ZBTB46: variants seen among roughly 807,000 people sequenced by gnomAD.
The protein encoded by ZBTB46 is zinc finger and BTB domain containing 46.
In ZBTB46, 8 loss-of-function variants were observed where a neutral mutation model predicts 44.1. The ratio of observed to expected loss-of-function variants is 0.18; its 90% CI spans 0.11 to 0.33. ZBTB46 has a LOEUF of 0.33. Ranked by LOEUF, ZBTB46 falls within the 10% of genes least tolerant of loss-of-function variation. The pLI is 1.00. For missense variants in ZBTB46, 651 were observed against 847.7 expected (o/e 0.77, Z 2.88); for synonymous variants, 409 against 382.3 (o/e 1.07, Z -0.81).
chr20:63,758,342 C>T (rs1320974269), intron 3 of ZBTB46, among the ~76,000 whole-genome samples: 2 of 151,686 alleles, frequency 1.3e-5, no homozygotes, highest in African/African-American at 4.9e-5. Context: ...TCACACAATC[C>T]CAAACCAGCT....
intron 1 of ZBTB46, among the ~76,000 whole-genome samples, chr20:63,802,965 T>C (rs2092658793): frequency 6.6e-6 from 1 of 152,230 alleles, no homozygotes; most frequent in African/African-American, 2.4e-5. Flanking sequence ...ACGTTCCCTT[T>C]GTGGCCCTTT....
chr20:63,812,617 G>T (rs1462875384), intron 1 of ZBTB46, among the ~76,000 whole-genome samples: 1 of 151,818 alleles, frequency 6.6e-6, no homozygotes, highest in African/African-American at 2.4e-5. Context: ...CCTAGTAAAA[G>T]AAATACAAAA....
chr20:63,788,623 G>C (rs942582786), intron 2 of ZBTB46, among the ~76,000 whole-genome samples: 4 of 152,010 alleles, frequency 2.6e-5, no homozygotes. Flanking sequence ...TGGATCACCT[G>C]AAGTCAGGAG....
At chr20:63,748,227 CGTGCTGTGCCCT>C (rs2092123918) in intron 4 of ZBTB46, among the ~76,000 whole-genome samples, 1 of 152,226 alleles carries the variant, frequency 6.6e-6, no homozygotes, top group Non-Finnish European at 1.5e-5. Flanking sequence ...GGAGGGCAGT[CGTGCTGTGCCCT>C]GTGCTGGGCC....
intron 3 of ZBTB46, among the ~76,000 whole-genome samples, chr20:63,755,534 C>A (rs6122161): frequency 0.3 from 46,231 of 152,094 alleles, 7,643 homozygotes; most frequent in Admixed American, 0.38. Context: ...GCAGGAGGAC[C>A]TCATTTTGAG....
Position 63,746,560 on chromosome 20 carries a change from C to G in ZBTB46, c.*370G>C, listed in dbSNP as rs973759459. Reference sequence around the variant, plus strand: ...AGGCCAGGGGCCTCTGGGCCGAACACACCACCCCGCCCAGTGCCCACTGGA... The same window carrying G: ...AGGCCAGGGGCCTCTGGGCCGAACAGACCACCCCGCCCAGTGCCCACTGGA... On this transcript the variant is annotated 3_prime_UTR_variant, in exon 5 of 5. Coordinates refer to ENST00000245663, the MANE Select transcript of ZBTB46 (RefSeq NM_001369741.1). The G allele has an allele frequency of 5.3e-5, 12 of 226,190 alleles. No individual in the cohort carries two copies. Among genetic ancestry groups the G allele is most frequent in the African/African-American group, 2.7e-4 (12 of 44,078 alleles). The allele number at this position is 226,190 out of a possible 1,614,324, so 14.0% of individuals were successfully genotyped here.
At chr20:63,812,263 A>G (rs1384109481) in intron 1 of ZBTB46, among the ~76,000 whole-genome samples, 1 of 152,196 alleles carries the variant, frequency 6.6e-6, no homozygotes, top group Non-Finnish European at 1.5e-5. Context: ...TGATCCCAGC[A>G]CTTTGGGAGG....
At chr20:63,809,307 G>A (rs1185891262) in intron 1 of ZBTB46, among the ~76,000 whole-genome samples, 1 of 152,234 alleles carries the variant, frequency 6.6e-6, no homozygotes, top group Admixed American at 6.5e-5. Context: ...TCTATTCCAG[G>A]AATGGGGTCC....
At chr20:63,804,752 C>T (rs2092670714) in intron 1 of ZBTB46, among the ~76,000 whole-genome samples, 2 of 151,742 alleles carry the variant, frequency 1.3e-5, no homozygotes, top group African/African-American at 4.8e-5. Flanking sequence ...ATTAGCCAGG[C>T]GTGGTGGGGG....
At chr20:63,804,352 G>A (rs561668687) in intron 1 of ZBTB46, among the ~76,000 whole-genome samples, 15 of 152,262 alleles carry the variant, frequency 9.9e-5, no homozygotes, top group African/African-American at 3.6e-4. Flanking sequence ...TTGGGTTATA[G>A]ATGACACAGT....
At chr20:63,751,077 G>A (rs1330572601) in intron 4 of ZBTB46, among the ~76,000 whole-genome samples, 1 of 152,200 alleles carries the variant, frequency 6.6e-6, no homozygotes, top group Non-Finnish European at 1.5e-5. Flanking sequence ...TAAAAAACAA[G>A]ATGCGATTTT....
At chr20:63,809,533 C>G (rs769387535) in intron 1 of ZBTB46, among the ~76,000 whole-genome samples, 20 of 152,158 alleles carry the variant, frequency 1.3e-4, no homozygotes, top group Non-Finnish European at 2.6e-4. Context: ...AGCAGGAGCT[C>G]CGCGACCTCC....
At chr20:63,831,459 C>CGCCGCGCCGCGGGGTCGCAGGGG (rs1306740656), upstream of ZBTB46, among the ~76,000 whole-genome samples, 2 of 144,684 alleles carry the variant, frequency 1.4e-5, no homozygotes, top group Non-Finnish European at 3.1e-5. Context: ...CGGCTCCCGG[C>CGCCGCGCCGCGGGGTCGCAGGGG]GCCGCGCCGC....
chr20:63,762,704 G>C (rs1408056922), intron 3 of ZBTB46, among the ~76,000 whole-genome samples: 1 of 151,806 alleles, frequency 6.6e-6, no homozygotes, highest in Non-Finnish European at 1.5e-5. Flanking sequence ...GAGCTGTTAG[G>C]AGCAATATGC....
intron 3 of ZBTB46, among the ~76,000 whole-genome samples, chr20:63,760,748 C>T (rs753690765): frequency 2.6e-5 from 4 of 151,154 alleles, no homozygotes; most frequent in Non-Finnish European, 4.4e-5. Context: ...TGAGCCACCG[C>T]GCCAGGCCGA....
rs551525145 is a variant in ZBTB46 at position 63,767,830 on chromosome 20, T to G, written c.1222+7848A>C. On this transcript the variant is annotated intron_variant, in intron 3 of 4. Transcript: ENST00000245663. This position sits in a 1 kb window ranked among gnomAD's most constrained non-coding sequence, Gnocchi z 5.0. ...AGGGCTGGGCAAGTCCATCCAGGGC[T>G]GGGCAAGTCCATCCAGGCCTGGGCT... The G allele has an allele frequency of 7.1e-5, 69 of 974,404 alleles. No individual in the cohort carries two copies. The East Asian group carries it at 5.0e-3, about 71-fold the overall frequency. 60.4% of individuals were successfully genotyped at this position (974,404 alleles called of 1,614,324 possible).
At chr20:63,766,251 C>T (rs374118678) in intron 3 of ZBTB46, among the ~76,000 whole-genome samples, 2 of 130,222 alleles carry the variant, frequency 1.5e-5, no homozygotes, top group African/African-American at 2.8e-5. Flanking sequence ...GTTTCGCTCT[C>T]GTTGCCCAGG....
intron 1 of ZBTB46, chr20:63,815,001 G>T: frequency 6.2e-6 from 1 of 160,782 alleles, no homozygotes. Context: ...CCAGGACGTC[G>T]AGGCTGCAGT....
intron 2 of ZBTB46, among the ~76,000 whole-genome samples, chr20:63,783,619 C>G (rs984131397): frequency 6.6e-6 from 1 of 152,128 alleles, no homozygotes; most frequent in Non-Finnish European, 1.5e-5. Flanking sequence ...TACCTGAAAG[C>G]AAAAACATCT....
Sources: allele counts gnomAD v4.1 joint callset (sites outside exome capture counted in the v4.1 genomes callset), GRCh38; gene constraint gnomAD v4.1.1; non-coding constraint Gnocchi (gnomAD v3.1); transcripts MANE v1.5; gene names NCBI Gene and HGNC (gene_info 2026-07-23, HGNC 2026-07-21).